KHDRBS2: variants seen among roughly 807,000 people sequenced by gnomAD.
KHDRBS2 encodes KH domain-containing, RNA-binding, signal transduction-associated protein 2.
KHDRBS2 carries 26 observed loss-of-function variants against 44.3 expected under a neutral mutation model. The ratio of observed to expected loss-of-function variants is 0.59; its 90% CI spans 0.43 to 0.81. The LOEUF (loss-of-function observed/expected upper bound fraction) is 0.81. Among genes scored for constraint, KHDRBS2 ranks in the 40% least tolerant of loss-of-function variants. The pLI is 0.00. For synonymous variants in KHDRBS2, 194 were observed against 151.1 expected, an observed-to-expected ratio of 1.28 and a Z score of -2.08; for missense variants, 476 against 433.1, an observed-to-expected ratio of 1.10 and a Z score of -0.88.
At chr6:61,897,556 T>C (rs1803137923) in intron 5 of KHDRBS2, among the ~76,000 whole-genome samples, 1 of 152,178 alleles carries the variant, frequency 6.6e-6, no homozygotes, top group South Asian at 2.1e-4. Flanking sequence ...GAACTCTTCT[T>C]CTCCAACGTT....
intron 3 of KHDRBS2, among the ~76,000 whole-genome samples, chr6:62,014,024 A>C (rs1383197589): frequency 6.6e-6 from 1 of 152,192 alleles, no homozygotes; most frequent in East Asian, 1.9e-4. Flanking sequence ...TTTGATTGAC[A>C]GGTCTGAAAA....
intron 6 of KHDRBS2, among the ~76,000 whole-genome samples, chr6:61,775,869 A>C (rs1201607760): frequency 6.6e-6 from 1 of 152,114 alleles, no homozygotes; most frequent in Non-Finnish European, 1.5e-5. Context: ...GCTGGAGGCA[A>C]CAGGCTACCT....
intron 3 of KHDRBS2, among the ~76,000 whole-genome samples, chr6:62,010,365 A>C (rs1282016778): frequency 6.6e-6 from 1 of 152,168 alleles, no homozygotes; most frequent in East Asian, 1.9e-4. Context: ...ACAGGCTCAT[A>C]GGTGGAAGGG....
chr6:61,762,428 T>C (rs1340408267), intron 6 of KHDRBS2, among the ~76,000 whole-genome samples: 7 of 152,178 alleles, frequency 4.6e-5, no homozygotes, highest in Non-Finnish European at 1.0e-4. Flanking sequence ...TGGGAGGTGT[T>C]TGAGTCATGG....
At chr6:61,630,078 A>G in the KHDRBS2 span, among the ~76,000 whole-genome samples, 4 of 152,222 alleles carry the variant, frequency 2.6e-5, no homozygotes, top group African/African-American at 9.6e-5. Context: ...TCAAAGGGAT[A>G]GCAAAACTAT....
the KHDRBS2 span, among the ~76,000 whole-genome samples, chr6:61,609,325 T>C: frequency 2.6e-5 from 4 of 152,276 alleles, no homozygotes; most frequent in South Asian, 6.2e-4. Context: ...GCCACTGCAC[T>C]CCAGCTTGGG....
chr6:61,839,659 A>G (rs1259788567), intron 6 of KHDRBS2, among the ~76,000 whole-genome samples: 2 of 152,138 alleles, frequency 1.3e-5, no homozygotes, highest in African/African-American at 4.8e-5. Context: ...TCATCAGCAA[A>G]AAAAGATACA....
chr6:61,967,563 A>C (rs1770311140), intron 4 of KHDRBS2, among the ~76,000 whole-genome samples: 1 of 151,850 alleles, frequency 6.6e-6, no homozygotes, highest in African/African-American at 2.4e-5. Context: ...CTATTATAGC[A>C]AACCCAGATT....
At chr6:62,233,471 T>C (rs994050756) in intron 1 of KHDRBS2, among the ~76,000 whole-genome samples, 5 of 152,148 alleles carry the variant, frequency 3.3e-5, no homozygotes, top group Admixed American at 6.6e-5. Flanking sequence ...AACAGCATAG[T>C]TAACAAAAAC....
chr6:61,905,924 C>T (rs1287484338), intron 4 of KHDRBS2, among the ~76,000 whole-genome samples: 4 of 141,744 alleles, frequency 2.8e-5, no homozygotes, highest in Admixed American at 7.6e-5. Context: ...GGCATGATCT[C>T]GGCTCACTGC....
intron 2 of KHDRBS2, 147 bp from the exon 3 acceptor site, chr6:62,048,141 C>CACAA (rs994250621): frequency 1.7e-5 from 10 of 596,430 alleles, no homozygotes; most frequent in Admixed American, 2.8e-5. Flanking sequence ...CACACACACA[C>CACAA]ACACACACAC....
chr6:62,133,400 TA>T (rs1562935260), intron 2 of KHDRBS2, among the ~76,000 whole-genome samples: 1 of 152,218 alleles, frequency 6.6e-6, no homozygotes, highest in Non-Finnish European at 1.5e-5. Context: ...TGCTGTCATG[TA>T]AAATGTGTCT....
At chr6:62,022,030 C>CTATA (rs201174798) in intron 3 of KHDRBS2, among the ~76,000 whole-genome samples, 7,946 of 144,636 alleles carry the variant, frequency 0.055, 289 homozygotes, top group African/African-American at 0.1. Context: ...CACACAAACA[C>CTATA]TATATATATA....
intron 8 of KHDRBS2, among the ~76,000 whole-genome samples, chr6:61,687,463 A>G (rs1374938736): frequency 6.6e-6 from 1 of 151,754 alleles, no homozygotes; most frequent in Non-Finnish European, 1.5e-5. Flanking sequence ...AATTAATTAT[A>G]TTTAAATATT....
intron 2 of KHDRBS2, among the ~76,000 whole-genome samples, chr6:62,059,085 A>T (rs2127323750): frequency 6.6e-6 from 1 of 151,660 alleles, no homozygotes; most frequent in African/African-American, 2.4e-5. Context: ...CTGTACATAA[A>T]CAATTATATT....
chr6:62,220,633 A>C (rs1190420318), intron 1 of KHDRBS2, among the ~76,000 whole-genome samples: 2 of 151,876 alleles, frequency 1.3e-5, no homozygotes, highest in African/African-American at 4.8e-5. Flanking sequence ...GACTATTATC[A>C]TTCAACATTA....
chr6:61,678,711 C>A (rs1353980099), downstream of KHDRBS2, among the ~76,000 whole-genome samples: 1 of 151,910 alleles, frequency 6.6e-6, no homozygotes, highest in Admixed American at 6.6e-5. Flanking sequence ...CTAAATCATG[C>A]CACTTTATTT....
chr6:62,146,134 T>C (rs1238224964), intron 2 of KHDRBS2, among the ~76,000 whole-genome samples: 3 of 151,790 alleles, frequency 2.0e-5, no homozygotes, highest in African/African-American at 7.2e-5. Context: ...TTTACATACA[T>C]CTCCCCTTGA....
intron 4 of KHDRBS2, among the ~76,000 whole-genome samples, chr6:61,922,337 GCA>G (rs1246181055): frequency 6.6e-6 from 1 of 152,048 alleles, no homozygotes; most frequent in Admixed American, 6.6e-5. Context: ...CCAAATTATG[GCA>G]CAGAGAGGAG....
Sources: gnomAD v4.1 joint callset for allele counts (sites outside exome capture counted in the v4.1 genomes callset) on GRCh38, gnomAD v4.1.1 for gene constraint, MANE v1.5 for transcripts, NCBI Gene and HGNC (gene_info 2026-07-23, HGNC 2026-07-21) for gene names.